EPC2: variants seen among roughly 807,000 people sequenced by gnomAD.
The protein encoded by EPC2 is enhancer of polycomb homolog 2.
Under a neutral mutation model 92.1 loss-of-function variants are expected in EPC2, and 14 were observed. The observed-to-expected ratio is 0.15, with a 90% CI of 0.10 to 0.24. The LOEUF (loss-of-function observed/expected upper bound fraction) is 0.24. EPC2 is among the 10% of genes least tolerant of loss of function. The pLI is 1.00. For missense variants in EPC2, 755 were observed against 971.5 expected, an observed-to-expected ratio of 0.78 and a Z score of 2.96; for synonymous variants, 340 against 334.7, an observed-to-expected ratio of 1.02 and a Z score of -0.17.
chr2:148,765,756 G>T (rs1478815481), intron 7 of EPC2, among the ~76,000 whole-genome samples: 3 of 152,030 alleles, frequency 2.0e-5, no homozygotes, highest in African/African-American at 7.3e-5. Flanking sequence ...TAAAAGATCC[G>T]GCCAGGCGTG....
intron 2 of EPC2, among the ~76,000 whole-genome samples, chr2:148,707,595 G>A (rs1682030030): frequency 1.3e-5 from 2 of 152,158 alleles, no homozygotes; most frequent in Admixed American, 6.5e-5. Flanking sequence ...CATGTAGTTG[G>A]AAGTAAAGCA....
intron 2 of EPC2, among the ~76,000 whole-genome samples, chr2:148,721,249 C>T (rs1234746324): frequency 6.6e-6 from 1 of 151,888 alleles, no homozygotes; most frequent in African/African-American, 2.4e-5. Context: ...TTTTATTTGT[C>T]TGAGAAAGTT....
intron 2 of EPC2, chr2:148,692,706 G>T (rs1574585893): frequency 6.6e-6 from 1 of 151,990 alleles, no homozygotes; most frequent in African/African-American, 2.4e-5. Flanking sequence ...CAATTATTTT[G>T]TATTTTGATA....
At chr2:148,691,450 T>C in intron 2 of EPC2, 1 of 1,437,436 alleles carries the variant, frequency 7.0e-7, no homozygotes, top group Non-Finnish European at 9.5e-7. Context: ...AAGAGTTCCC[T>C]GTGTGATTCT....
At chr2:148,704,694 A>G (rs1019978378) in intron 2 of EPC2, among the ~76,000 whole-genome samples, 5 of 152,168 alleles carry the variant, frequency 3.3e-5, no homozygotes, top group Non-Finnish European at 7.4e-5. Context: ...TCCTTACCCT[A>G]TATTCCCAAC....
intron 1 of EPC2, 122 bp downstream of exon 1, chr2:148,645,292 C>T: frequency 8.2e-6 from 7 of 856,808 alleles, no homozygotes; most frequent in Non-Finnish European, 1.2e-5. Context: ...CTCTAACGCA[C>T]GGGACTCTAC....
rs769319939 is a variant in EPC2, at chr2:148,781,786, C to T, written c.1857+6C>T. On this transcript the variant is annotated splice_donor_region_variant and intron_variant, in intron 11 of 13. Transcript: ENST00000258484. ...AGACACATCCAAAAGCACAGGTAAA[C>T]TGCTCTTTTCGTCATAGTTACGTTT... 1.9e-6 allele frequency: 3 copies of T among 1,613,346 alleles called. No individual in the cohort carries two copies. Among genetic ancestry groups the T allele is most frequent in the Middle Eastern group, 3.3e-4 (2 of 6,060 alleles).
chr2:148,697,523 T>A (rs1476756324), intron 2 of EPC2, among the ~76,000 whole-genome samples: 1 of 152,114 alleles, frequency 6.6e-6, no homozygotes, highest in Non-Finnish European at 1.5e-5. Flanking sequence ...AAGCACACAC[T>A]TCATATTTTA....
intron 2 of EPC2, among the ~76,000 whole-genome samples, chr2:148,740,362 G>A (rs1682857824): frequency 6.6e-6 from 1 of 151,758 alleles, no homozygotes; most frequent in East Asian, 1.9e-4. Flanking sequence ...GTACAGGCAG[G>A]CACCTGTACC....
At chr2:148,719,240 T>A (rs2105389509) in intron 2 of EPC2, among the ~76,000 whole-genome samples, 1 of 152,302 alleles carries the variant, frequency 6.6e-6, no homozygotes, top group South Asian at 2.1e-4. Flanking sequence ...TCTACTTCTG[T>A]CATTTCAGCA....
At chr2:148,661,626 C>G (rs4972290) in intron 1 of EPC2, among the ~76,000 whole-genome samples, 30,102 of 151,888 alleles carry the variant, frequency 0.2, 3,617 homozygotes, top group East Asian at 0.49. Context: ...ATGCGATGTA[C>G]ATAATTTTGT....
chr2:148,707,021 G>C (rs1037955653), intron 2 of EPC2, among the ~76,000 whole-genome samples: 1 of 152,138 alleles, frequency 6.6e-6, no homozygotes, highest in Non-Finnish European at 1.5e-5. Flanking sequence ...ATGTAAATGG[G>C]TTAAATGCCC....
chr2:148,728,364 C>T (rs1682540012), intron 2 of EPC2, among the ~76,000 whole-genome samples: 1 of 151,734 alleles, frequency 6.6e-6, no homozygotes, highest in East Asian at 1.9e-4. Context: ...TTAATATGTA[C>T]ATATGTTCTC....
intron 1 of EPC2, among the ~76,000 whole-genome samples, chr2:148,688,344 GGTGGGAAT>G (rs1241103835): frequency 6.6e-6 from 1 of 152,092 alleles, no homozygotes; most frequent in African/African-American, 2.4e-5. Context: ...CTCACTCATA[GGTGGGAAT>G]TGAACAGTGA....
intron 2 of EPC2, among the ~76,000 whole-genome samples, chr2:148,719,840 G>T (rs1269356636): frequency 2.6e-5 from 4 of 152,240 alleles, no homozygotes; most frequent in African/African-American, 9.6e-5. Context: ...TGGCTGAGGA[G>T]CCCAAACAGC....
chr2:148,659,908 A>C (rs1181081681), intron 1 of EPC2, among the ~76,000 whole-genome samples: 2 of 152,144 alleles, frequency 1.3e-5, no homozygotes, highest in Non-Finnish European at 1.5e-5. Context: ...CCACCTAAGC[A>C]TATCTTGAGG....
chr2:148,730,537 C>T (rs1682595822), intron 2 of EPC2, among the ~76,000 whole-genome samples: 1 of 152,166 alleles, frequency 6.6e-6, no homozygotes, highest in African/African-American at 2.4e-5. Flanking sequence ...AAGCCCCACC[C>T]CAAATCTACT....
intron 3 of EPC2, among the ~76,000 whole-genome samples, chr2:148,744,989 G>GCCCTCCCCCCCCCC (rs1682953161): frequency 2.2e-5 from 1 of 46,296 alleles, no homozygotes; most frequent in Non-Finnish European, 4.9e-5. Flanking sequence ...CTATCAGTTT[G>GCCCTCCCCCCCCCC]CCCCCCCCCC....
chr2:148,675,288 AT>A (rs1375347251), intron 1 of EPC2, among the ~76,000 whole-genome samples: 3 of 150,364 alleles, frequency 2.0e-5, no homozygotes, highest in Non-Finnish European at 4.4e-5. Flanking sequence ...AGTTTTGGAG[AT>A]TTTCAGATTT....
Sources: allele counts gnomAD v4.1 joint callset (sites outside exome capture counted in the v4.1 genomes callset), GRCh38; gene constraint gnomAD v4.1.1; transcripts MANE v1.5; gene names NCBI Gene and HGNC (gene_info 2026-07-23, HGNC 2026-07-21).